The following ERCC1 variants were observed in gnomAD, a reference collection of about 807,000 sequenced individuals.
The protein encoded by ERCC1 is DNA excision repair protein ERCC-1.
ERCC1 carries 36 observed loss-of-function variants against 37.6 expected under a neutral mutation model. The observed-to-expected ratio is 0.96, with a 90% CI of 0.73 to 1.26. The LOEUF is 1.26. ERCC1 is among the 50% of genes most tolerant of loss of function. ERCC1 has a pLI of 0.00. For missense variants in ERCC1, 349 were observed against 376.5 expected, an observed-to-expected ratio of 0.93 and a Z score of 0.60; for synonymous variants, 156 against 162.1, an observed-to-expected ratio of 0.96 and a Z score of 0.28.
At chr19:45,426,588 T>G (rs982605323), upstream of ERCC1, among the ~76,000 whole-genome samples, 2 of 151,426 alleles carry the variant, frequency 1.3e-5, no homozygotes, top group Non-Finnish European at 2.9e-5. Flanking sequence ...GACAAGGTCT[T>G]GATCTATTGC....
chr19:45,440,210 C>T (rs1975084918), intron 1 of ERCC1, among the ~76,000 whole-genome samples: 1 of 151,618 alleles, frequency 6.6e-6, no homozygotes, highest in African/African-American at 2.4e-5. Flanking sequence ...AGCTTCACCT[C>T]CATTCCTCAT....
chr19:45,418,546 A>G (rs565000937), intron 5 of ERCC1, among the ~76,000 whole-genome samples: 21 of 151,598 alleles, frequency 1.4e-4, no homozygotes, highest in Non-Finnish European at 1.9e-4. Flanking sequence ...AGATATGGCC[A>G]GGCACGGTGG....
rs1260826994 is a variant in ERCC1 at position 45,420,514 on chromosome 19, CCCTCCTCCCACCTCTTCCCACACCTCCTG to C, written c.322-116_322-88del. The C allele has an allele frequency of 2.5e-6, 2 of 814,394 alleles. No individual in the cohort carries two copies. The highest frequency in any genetic ancestry group is 2.6e-5 in the East Asian group (1 of 38,082). The allele number at this position is 814,394 out of a possible 1,614,324, so 50.4% of individuals were successfully genotyped here. A position where few individuals can be genotyped will look rare whatever the true frequency, so the allele number is the denominator to read the frequency against. ...TCCTCCACCTCTTCTTGCACCTCCT[CCCTCCTCCCACCTCTTCCCACACCTCCTG>C]CCTCCTCGCACCTCTTCCCACACCT... On this transcript the variant is annotated intron_variant, in intron 3 of 9. Transcript: ENST00000300853. The surrounding 1 kb of genome is among the most constrained non-coding windows in gnomAD (Gnocchi z 4.8).
chr19:45,447,484 A>G (rs1966984399), intron 1 of ERCC1, among the ~76,000 whole-genome samples: 1 of 152,066 alleles, frequency 6.6e-6, no homozygotes, highest in African/African-American at 2.4e-5. Flanking sequence ...CATGTCGGTC[A>G]GGCTGGTCTT....
chr19:45,418,565 T>G (rs1974203364), intron 5 of ERCC1, among the ~76,000 whole-genome samples: 1 of 149,612 alleles, frequency 6.7e-6, no homozygotes, highest in African/African-American at 2.5e-5. Context: ...GGCTCATGCC[T>G]GTAATCCCAG....
intron 6 of ERCC1, 58 bp downstream of exon 6, chr19:45,416,763 G>T: frequency 7.5e-7 from 1 of 1,339,208 alleles, no homozygotes; most frequent in South Asian, 1.2e-5. Flanking sequence ...GGTGGGATGG[G>T]GGAGCAGGGA....
Position 45,414,078 on chromosome 19 carries a change from A to G in ERCC1, c.703-44T>C, listed in dbSNP as rs760129122. The G allele has an allele frequency of 1.3e-5, 20 of 1,510,610 alleles. No individual in the cohort carries two copies. In the South Asian group the frequency reaches 1.8e-4, roughly 14 times the overall value. 93.6% of individuals were successfully genotyped at this position (1,510,610 alleles called of 1,614,324 possible). ...GGAGTGTGTCGGAAGAAGAAAGGCC[A>G]GCAAGACTGAGCCTAGGAGGGCAGG... On this transcript the variant is annotated intron_variant, in intron 7 of 9. Coordinates refer to ENST00000300853, the MANE Select transcript of ERCC1 (RefSeq NM_001983.4).
intron 1 of ERCC1, among the ~76,000 whole-genome samples, chr19:45,444,491 A>G (rs1259702134): frequency 1.3e-5 from 2 of 152,132 alleles, no homozygotes; most frequent in Admixed American, 6.6e-5. Flanking sequence ...CTGGGCGGTC[A>G]GGAGGCCACC....
chr19:45,429,150 T>C (rs981483896), intron 1 of ERCC1: 1 of 152,258 alleles, frequency 6.6e-6, no homozygotes. Flanking sequence ...GAAGTGGGAC[T>C]TCCACACACA....
chr19:45,438,805 C>T (rs915894271), intron 1 of ERCC1, among the ~76,000 whole-genome samples: 1 of 151,988 alleles, frequency 6.6e-6, no homozygotes, highest in East Asian at 1.9e-4. Context: ...CCACGCCCGG[C>T]TAATTTTGTA....
At chr19:45,440,123 C>T (rs1272360484) in intron 1 of ERCC1, among the ~76,000 whole-genome samples, 4 of 151,388 alleles carry the variant, frequency 2.6e-5, no homozygotes, top group African/African-American at 9.7e-5. Context: ...CCCCCGACTG[C>T]GACCCCGCCC....
chr19:45,430,031 G>A (rs1015666702), intron 1 of ERCC1, among the ~76,000 whole-genome samples: 17 of 152,244 alleles, frequency 1.1e-4, no homozygotes, highest in African/African-American at 3.8e-4. Context: ...TGATCCACCC[G>A]CCTCGGCCTC....
intron 1 of ERCC1, among the ~76,000 whole-genome samples, chr19:45,449,482 A>ACC (rs112190044): frequency 8.8e-4 from 134 of 151,696 alleles, no homozygotes; most frequent in African/African-American, 3.2e-3. Context: ...ACATAATGAG[A>ACC]CCCCCGTCTC....
intron 1 of ERCC1, among the ~76,000 whole-genome samples, chr19:45,431,718 CT>C (rs111605763): frequency 1.3e-4 from 20 of 150,870 alleles, no homozygotes; most frequent in African/African-American, 4.9e-4. Context: ...AGGAAGACCC[CT>C]ATCTCTACAA....
upstream of ERCC1, among the ~76,000 whole-genome samples, chr19:45,424,537 A>G (rs142571585): frequency 2.7e-4 from 41 of 152,366 alleles, no homozygotes; most frequent in Non-Finnish European, 4.6e-4. Context: ...TCCTGAAAGG[A>G]TAGTATCACA....
rs1335223653 is a variant in ERCC1 at position 45,408,800 on chromosome 19, C to T, written c.*875G>A. 6.2e-7 allele frequency: 1 copy of T among 1,613,846 alleles called. No homozygotes were observed. Among genetic ancestry groups the T allele is most frequent in the South Asian group, 1.1e-5 (1 of 91,058 alleles). ...GAAGCAGGAACAGATTAACACTGAG[C>T]CTCTAGAAGACACAGTCCTGTCCCC... On this transcript the variant is annotated 3_prime_UTR_variant, in exon 10 of 10. Transcript: ENST00000300853.
At chr19:45,430,978 G>A (rs1444666157) in intron 1 of ERCC1, among the ~76,000 whole-genome samples, 1 of 152,026 alleles carries the variant, frequency 6.6e-6, no homozygotes, top group Non-Finnish European at 1.5e-5. Flanking sequence ...GTTGGGGGGT[G>A]GGGTCTCAGC....
At chr19:45,416,167 T>C in intron 6 of ERCC1, among the ~76,000 whole-genome samples, 1 of 152,120 alleles carries the variant, frequency 6.6e-6, no homozygotes, top group South Asian at 2.1e-4. Flanking sequence ...GAGGATGGTA[T>C]GACTTTGAAG....
At chr19:45,422,031 C>T (rs1213872703) in intron 2 of ERCC1, among the ~76,000 whole-genome samples, 1 of 152,072 alleles carries the variant, frequency 6.6e-6, no homozygotes, top group Non-Finnish European at 1.5e-5. Context: ...CTCCCCCACT[C>T]CTCAGCCTCC....
Sources: gnomAD v4.1 joint callset for allele counts (sites outside exome capture counted in the v4.1 genomes callset) on GRCh38, gnomAD v4.1.1 for gene constraint, Gnocchi (gnomAD v3.1) non-coding constraint, MANE v1.5 for transcripts, NCBI Gene and HGNC (gene_info 2026-07-23, HGNC 2026-07-21) for gene names.